TMX3: variants seen among roughly 807,000 people sequenced by gnomAD.
TMX3 encodes thioredoxin related transmembrane protein 3, also known as protein disulfide-isomerase TMX3.
Under a neutral mutation model 64.4 loss-of-function variants are expected in TMX3, and 40 were observed. The observed-to-expected ratio is 0.62, with a 90% confidence interval of 0.48 to 0.81. The LOEUF (loss-of-function observed/expected upper bound fraction) is 0.81, where lower values mean the gene tolerates loss of function less well. TMX3 is among the 30% of genes least tolerant of loss of function. The probability of loss-of-function intolerance (pLI) is 0.00; values close to 1 mark genes in which losing one functional copy is unlikely to be tolerated. For missense variants in TMX3, 497 were observed against 534.5 expected, an observed-to-expected ratio of 0.93 and a Z score of 0.69; for synonymous variants, 189 against 175.7, an observed-to-expected ratio of 1.08 and a Z score of -0.60.
rs1176770276 is a variant in TMX3, at chr18:68,693,991, T to C, written c.571-2630A>G. Among the ~76,000 whole-genome samples, 9 of 152,258 alleles carry C rather than the reference T, an allele frequency of 5.9e-5. No individual in the cohort carries two copies. In the East Asian group the frequency reaches 1.7e-3, roughly 29 times the overall value. The stretch of plus-strand genomic sequence containing the variant: ...CAGACTTGTCCGGATGACCTGCCTG[T>C]GGAAAGGAGCTACCTACTCGGGTCT... On this transcript the variant is annotated intron_variant, in intron 8 of 15. Transcript: ENST00000299608.
intron 1 of TMX3, 97 bp from the exon 2 acceptor site, chr18:68,713,997 A>T (rs1449141606): frequency 2.7e-6 from 2 of 732,890 alleles, no homozygotes; most frequent in Admixed American, 3.2e-5. Flanking sequence ...ACCTTTCACA[A>T]CCTACCAAAA....
At position 68,700,447 on chromosome 18, in the gene TMX3, C is replaced by T. The variant is rs1335524493; in HGVS notation, c.350G>A (p.Arg117Gln). The change falls in exon 6 of 16, where the codon CGA becomes CAA. Residue 117 changes from arginine (R) to glutamine (Q), a missense_variant. Physicochemically the swap from Arg to Gln is conservative, Grantham distance 43. Around this residue, in one of 3 missense-constraint regions of TMX3, gnomAD observed 360 missense variants for 383.5 expected, o/e 0.94. Coordinates refer to ENST00000299608, the MANE Select transcript of TMX3 (RefSeq NM_019022.5). ...GDLAYNYRGP[R>Q]TKDDIIEFAH... ...AAACTCAATAATATCATCTTTTGTT[C>T]GTGGTCCTCTATAATTATATGCCAA... The T allele has an allele frequency of 4.4e-6, 7 of 1,576,744 alleles. No individual in the cohort carries two copies. Among genetic ancestry groups the T allele is most frequent in the East Asian group, 2.3e-5 (1 of 43,814 alleles).
Position 68,710,087 on chromosome 18 carries a change from C to G in TMX3, c.199G>C (p.Gly67Arg), listed in dbSNP as rs1384972799. The change falls in exon 4 of 16, where the codon GGT (glycine) becomes CGT (arginine). Residue 67 changes from glycine to arginine, a missense_variant. Physicochemically the swap from Gly to Arg is moderately radical, Grantham distance 125. This residue lies in a region of TMX3 where 360 missense variants were observed against 383.5 expected (regional missense o/e 0.94). Coordinates refer to ENST00000299608, the MANE Select transcript of TMX3 (RefSeq NM_019022.5). Reference sequence around the variant, plus strand: ...GAACCAATGCTTTTCATCTCAAGACCAACTTCATTCCAAATTGGTTCCAGC... The same window carrying G: ...GAACCAATGCTTTTCATCTCAAGACGAACTTCATTCCAAATTGGTTCCAGC... ...KKLEPIWNEV[G>R]LEMKSIGSPV... 6.2e-7 allele frequency: 1 copy of G among 1,603,026 alleles called. No homozygotes were observed. The highest frequency in any genetic ancestry group is 1.7e-5 in the Admixed American group (1 of 58,138).
At chr18:68,702,031 C>T (rs2030135052) in intron 4 of TMX3, among the ~76,000 whole-genome samples, 1 of 150,038 alleles carries the variant, frequency 6.7e-6, no homozygotes, top group Non-Finnish European at 1.5e-5. Flanking sequence ...AAGAAATGCA[C>T]GTCAAAAGAA....
At chr18:68,700,511 C>T (rs773578820) in intron 5 of TMX3, 26 bp from the exon 6 acceptor site, 7 of 1,303,762 alleles carry the variant, frequency 5.4e-6, no homozygotes, top group Non-Finnish European at 2.1e-6. Flanking sequence ...AAAATTAAAA[C>T]CTGGATTGTT....
At chr18:68,697,368 T>TGTTTAATGAGG in intron 7 of TMX3, 65 bp from the exon 8 acceptor site, 5 of 879,120 alleles carry the variant, frequency 5.7e-6, no homozygotes, top group African/African-American at 1.7e-5. Context: ...CATTCCTCAT[T>TGTTTAATGAGG]AAACAATGAG....
rs765220543 is a variant in TMX3 at position 68,707,977 on chromosome 18, ATGTG to A, written c.265+2040_265+2043del. ...TATATATGTGTATATGTGTACATATATGTGTATGTGTATATATGTGTATATATAT... is the reference window on the plus strand; with the variant it reads ...TATATATGTGTATATGTGTACATATATATGTGTATATATGTGTATATATAT... On this transcript the variant is annotated intron_variant, in intron 4 of 15. Coordinates refer to ENST00000299608, the MANE Select transcript of TMX3 (RefSeq NM_019022.5). 3.0e-4 allele frequency among the ~76,000 whole-genome samples: 45 copies of A among 149,338 alleles called. 1 individual carries two copies. Among genetic ancestry groups the A allele is most frequent in the Non-Finnish European group, 1.3e-4 (9 of 67,790 alleles).
intron 4 of TMX3, among the ~76,000 whole-genome samples, chr18:68,705,885 ATTTGC>A (rs1442278031): frequency 6.6e-6 from 1 of 152,238 alleles, no homozygotes; most frequent in Non-Finnish European, 1.5e-5. Context: ...GTCTGATGGC[ATTTGC>A]TTCCAACCAC....
In TMX3 at chr18:68,673,838, T is replaced by G. The variant is rs1446033829; in HGVS notation, c.*3095A>C. The G allele has an allele frequency of 6.6e-6, 1 of 152,168 alleles. No individual in the cohort carries two copies. Among genetic ancestry groups the G allele is most frequent in the Non-Finnish European group, 1.5e-5 (1 of 68,014 alleles). The allele number at this position is 152,168 out of a possible 1,614,324, so 9.4% of individuals were successfully genotyped here. ...GTAGAAAATTATTTTTTGCCCACTC[T>G]TGGACTCAGACACATTCAGAAAAAA... On this transcript the variant is annotated 3_prime_UTR_variant, in exon 16 of 16. Coordinates refer to ENST00000299608, the MANE Select transcript of TMX3 (RefSeq NM_019022.5).
At chr18:68,693,269 G>T (rs962359305) in intron 8 of TMX3, among the ~76,000 whole-genome samples, 5 of 152,162 alleles carry the variant, frequency 3.3e-5, no homozygotes, top group African/African-American at 1.2e-4. Context: ...GGGACTGCAC[G>T]CTCCGTGGAG....
chr18:68,678,430 G>A (rs149682502), intron 15 of TMX3, among the ~76,000 whole-genome samples: 492 of 152,162 alleles, frequency 3.2e-3, no homozygotes, highest in Non-Finnish European at 5.9e-3. Context: ...AGTGTCAAGC[G>A]AGAAGGTTCA....
At chr18:68,700,871 A>G (rs2029990033) in intron 5 of TMX3, 1 of 978,582 alleles carries the variant, frequency 1.0e-6, no homozygotes. Context: ...TAGAAGAGGC[A>G]AAACAAATGT....
intron 10 of TMX3, among the ~76,000 whole-genome samples, chr18:68,684,828 A>G (rs1446836664): frequency 6.6e-6 from 1 of 152,070 alleles, no homozygotes; most frequent in African/African-American, 2.4e-5. Flanking sequence ...TAAGATAACT[A>G]TTTTTTCAAA....
chr18:68,695,636 A>G (rs149983226), intron 8 of TMX3, among the ~76,000 whole-genome samples: 3 of 152,300 alleles, frequency 2.0e-5, no homozygotes, highest in East Asian at 1.9e-4. Flanking sequence ...CTATTCTTCC[A>G]TATCAGCAAG....
chr18:68,686,815 A>T (rs371119827), intron 10 of TMX3: 4 of 985,422 alleles, frequency 4.1e-6, no homozygotes, highest in East Asian at 2.3e-4. Context: ...AAAGGCAGAA[A>T]TATCACTAGA....
At chr18:68,687,057 T>C in intron 10 of TMX3, 1 of 981,766 alleles carries the variant, frequency 1.0e-6, no homozygotes, top group Non-Finnish European at 1.2e-6. Context: ...ATCATAAAGC[T>C]ATTAATGGAA....
At chr18:68,703,657 G>A (rs2030352998) in intron 4 of TMX3, among the ~76,000 whole-genome samples, 1 of 152,144 alleles carries the variant, frequency 6.6e-6, no homozygotes, top group Non-Finnish European at 1.5e-5. Context: ...CTCTAAAAGG[G>A]AATGACAGTA....
At position 68,715,085 on chromosome 18, in the gene TMX3, C is replaced by T. The variant is rs1379745976; in HGVS notation, c.-104G>A. ...AAAGGGAAACGGAGCCGACCCGGAG[C>T]GGAAGAGAAGCACCGCGCTAACTAC... On this transcript the variant is annotated 5_prime_UTR_variant, in exon 1 of 16. Transcript: ENST00000299608. 1.4e-5 allele frequency: 22 copies of T among 1,535,436 alleles called. No individual in the cohort carries two copies. Among genetic ancestry groups the T allele is most frequent in the Non-Finnish European group, 4.4e-6 (5 of 1,138,936 alleles).
At chr18:68,710,743 T>C (rs2031193807) in intron 3 of TMX3, among the ~76,000 whole-genome samples, 1 of 152,210 alleles carries the variant, frequency 6.6e-6, no homozygotes, top group African/African-American at 2.4e-5. Context: ...AACTACTTGT[T>C]ATATTTTCAT....
Sources: allele counts gnomAD v4.1 joint callset (sites outside exome capture counted in the v4.1 genomes callset), GRCh38; gene constraint gnomAD v4.1.1; regional missense constraint gnomAD v4.1.1; transcripts MANE v1.5; gene names NCBI Gene and HGNC (gene_info 2026-07-23, HGNC 2026-07-21).